Variants in IGSF11 observed in about 807,000 individuals in gnomAD.
The protein encoded by IGSF11 is immunoglobulin superfamily member 11.
Under a neutral mutation model 41.0 loss-of-function variants are expected in IGSF11, and 22 were observed. That is an observed-to-expected ratio of 0.54 (90% CI 0.38 to 0.77). The LOEUF (loss-of-function observed/expected upper bound fraction) is 0.77. IGSF11 is among the 30% of genes least tolerant of loss of function. The pLI is 0.00. For missense variants in IGSF11, 444 were observed against 530.8 expected (o/e 0.84, Z 1.61); for synonymous variants, 219 against 201.3 (o/e 1.09, Z -0.74).
At chr3:119,016,857 A>G (rs1174811980) in intron 1 of IGSF11, among the ~76,000 whole-genome samples, 1 of 152,184 alleles carries the variant, frequency 6.6e-6, no homozygotes, top group Non-Finnish European at 1.5e-5. Context: ...TACCTGTTCC[A>G]TAAAGTGTCT....
At chr3:119,044,897 A>C (rs186490503) in intron 1 of IGSF11, among the ~76,000 whole-genome samples, 22 of 152,246 alleles carry the variant, frequency 1.4e-4, no homozygotes, top group African/African-American at 5.3e-4. Context: ...AAAAAATGCT[A>C]AAAGGAGTTC....
intron 1 of IGSF11, chr3:118,943,296 CAGAT>C (rs1175925308): frequency 2.0e-5 from 3 of 152,120 alleles, no homozygotes; most frequent in Non-Finnish European, 2.9e-5. Context: ...TTTTAAAAAA[CAGAT>C]AGACATTTCT....
intron 1 of IGSF11, among the ~76,000 whole-genome samples, chr3:119,032,378 G>A (rs1940485738): frequency 6.6e-6 from 1 of 152,142 alleles, no homozygotes; most frequent in Non-Finnish European, 1.5e-5. Context: ...TATTCTCCTG[G>A]AGACAGGTAT....
intron 1 of IGSF11, among the ~76,000 whole-genome samples, chr3:119,070,911 TACAGAATC>T (rs1219838677): frequency 6.6e-6 from 1 of 152,206 alleles, no homozygotes; most frequent in Non-Finnish European, 1.5e-5. Flanking sequence ...TCATGTGCAA[TACAGAATC>T]ACAGAGATTA....
intron 1 of IGSF11, among the ~76,000 whole-genome samples, chr3:118,935,260 A>T (rs1049566089): frequency 6.3e-5 from 9 of 143,120 alleles, no homozygotes; most frequent in Non-Finnish European, 1.4e-4. Flanking sequence ...TATATATATA[A>T]ATATATACAC....
At chr3:118,978,552 T>C (rs1035868261) in intron 1 of IGSF11, among the ~76,000 whole-genome samples, 11 of 152,166 alleles carry the variant, frequency 7.2e-5, no homozygotes, top group African/African-American at 2.7e-4. Flanking sequence ...GCAGGCACAG[T>C]CAGCTCCCTG....
chr3:119,020,081 C>G (rs959112199), intron 1 of IGSF11, among the ~76,000 whole-genome samples: 2 of 152,168 alleles, frequency 1.3e-5, no homozygotes, highest in Non-Finnish European at 2.9e-5. Context: ...GACACTAAAT[C>G]TGCAGGCTTA....
intron 1 of IGSF11, among the ~76,000 whole-genome samples, chr3:119,021,327 G>GT (rs1213928673): frequency 1.3e-5 from 2 of 152,078 alleles, no homozygotes; most frequent in African/African-American, 4.8e-5. Flanking sequence ...TGTTAATGAA[G>GT]TAAAAGGATA....
At chr3:119,141,042 T>TAAA (rs35323898) in intron 1 of IGSF11, among the ~76,000 whole-genome samples, 6,743 of 99,584 alleles carry the variant, frequency 0.068, 348 homozygotes, top group Admixed American at 0.15. Flanking sequence ...TCTGTCTCAT[T>TAAA]AAAAAAAAAA....
intron 1 of IGSF11, among the ~76,000 whole-genome samples, chr3:119,005,614 T>C (rs1403179950): frequency 8.6e-6 from 1 of 116,632 alleles, no homozygotes; most frequent in Non-Finnish European, 1.6e-5. Flanking sequence ...GTTGTTCCTT[T>C]CCATGTTTAG....
intron 1 of IGSF11, among the ~76,000 whole-genome samples, chr3:118,956,077 T>C (rs1262336656): frequency 6.6e-6 from 1 of 152,202 alleles, no homozygotes; most frequent in Non-Finnish European, 1.5e-5. Flanking sequence ...ACTTCCTTCC[T>C]GAAACCTCAT....
rs572457526 is a variant in IGSF11 at position 118,959,649 on chromosome 3, T to C, written c.53-29374A>G. Among the ~76,000 whole-genome samples, 4 of 152,302 alleles carry C rather than the reference T, an allele frequency of 2.6e-5. No homozygotes were observed. In the South Asian group the frequency reaches 6.2e-4, roughly 24 times the overall value. ...CAAAGAAAACAGACAATAGGTATCCTAAATTTTTAGGGGAGCATGGCCTGA... is the reference window on the plus strand; with the variant it reads ...CAAAGAAAACAGACAATAGGTATCCCAAATTTTTAGGGGAGCATGGCCTGA... On this transcript the variant is annotated intron_variant, in intron 1 of 6. Transcript: ENST00000393775.
At chr3:118,961,882 G>A (rs1031917218) in intron 1 of IGSF11, among the ~76,000 whole-genome samples, 10 of 152,204 alleles carry the variant, frequency 6.6e-5, no homozygotes, top group Non-Finnish European at 1.3e-4. Flanking sequence ...TTAAGTTTTA[G>A]CAATAGCTAC....
rs1323048306 is a variant in IGSF11, at chr3:118,901,096, G to A, written c.*1424C>T. On this transcript the variant is annotated 3_prime_UTR_variant, in exon 7 of 7. Coordinates refer to ENST00000393775, the MANE Select transcript of IGSF11 (RefSeq NM_001015887.3). ...TTGAGACATGGGATGAGTATCATAAGTAATCTAGGAAACAAATCTGAGAAG... is the reference window on the plus strand; with the variant it reads ...TTGAGACATGGGATGAGTATCATAAATAATCTAGGAAACAAATCTGAGAAG... The A allele has an allele frequency of 6.6e-6, 1 of 152,572 alleles. No homozygotes were observed. The highest frequency in any genetic ancestry group is 1.5e-5 in the Non-Finnish European group (1 of 68,040). 9.5% of individuals were successfully genotyped at this position (152,572 alleles called of 1,614,324 possible).
intron 1 of IGSF11, chr3:118,944,954 G>A (rs960300473): frequency 5.3e-5 from 8 of 152,174 alleles, no homozygotes; most frequent in Non-Finnish European, 1.0e-4. Flanking sequence ...TAAAGCCTCT[G>A]AGGAATGCTG....
intron 1 of IGSF11, among the ~76,000 whole-genome samples, chr3:118,987,577 G>A (rs1044207679): frequency 6.6e-6 from 1 of 152,148 alleles, no homozygotes; most frequent in African/African-American, 2.4e-5. Flanking sequence ...ACAATGTTTG[G>A]AGCTCATCAC....
intron 1 of IGSF11, chr3:118,945,830 C>T (rs150604880): frequency 1.0e-3 from 152 of 152,240 alleles, no homozygotes; most frequent in African/African-American, 3.6e-3. Context: ...GACAATTCAT[C>T]CTAATATGCT....
At chr3:119,106,916 C>T (rs529387604), upstream of IGSF11, among the ~76,000 whole-genome samples, 1 of 152,260 alleles carries the variant, frequency 6.6e-6, no homozygotes, top group South Asian at 2.1e-4. Context: ...AGGACATGAA[C>T]TCATCATTTT....
chr3:119,000,906 A>G (rs967983340), intron 1 of IGSF11, among the ~76,000 whole-genome samples: 1 of 152,206 alleles, frequency 6.6e-6, no homozygotes, highest in African/African-American at 2.4e-5. Context: ...CCTTTGTTTC[A>G]CCCAAAGTAA....
Sources: allele counts gnomAD v4.1 joint callset (sites outside exome capture counted in the v4.1 genomes callset), GRCh38; gene constraint gnomAD v4.1.1; transcripts MANE v1.5; gene names NCBI Gene and HGNC (gene_info 2026-07-23, HGNC 2026-07-21).